The following SSPN variants were observed in gnomAD, a reference collection of about 807,000 sequenced individuals.
SSPN encodes K-ras oncogene-associated protein.
In SSPN, 15 loss-of-function variants were observed where a neutral mutation model predicts 19.1. The observed-to-expected ratio is 0.78, with a 90% CI of 0.52 to 1.21. SSPN has a LOEUF of 1.21. SSPN is among the 50% of genes most tolerant of loss of function. SSPN has a pLI of 0.00. For synonymous variants in SSPN, 147 were observed against 140.3 expected, an observed-to-expected ratio of 1.05 and a Z score of -0.34; for missense variants, 291 against 314.0, an observed-to-expected ratio of 0.93 and a Z score of 0.55.
At chr12:26,203,447 T>TA (rs143829380) in intron 1 of SSPN, among the ~76,000 whole-genome samples, 12,446 of 152,110 alleles carry the variant, frequency 0.082, 982 homozygotes, top group African/African-American at 0.2. Context: ...GAACTTCTTT[T>TA]AAAAAAATAG....
At chr12:26,161,384 T>C (rs1436478367) in intron 1 of SSPN, among the ~76,000 whole-genome samples, 1 of 152,092 alleles carries the variant, frequency 6.6e-6, no homozygotes. Flanking sequence ...CCTGGAGCAG[T>C]CTTCCCAATG....
At chr12:26,186,634 T>C (rs1351634178) in intron 1 of SSPN, among the ~76,000 whole-genome samples, 1 of 152,228 alleles carries the variant, frequency 6.6e-6, no homozygotes, top group African/African-American at 2.4e-5. Flanking sequence ...GGTCTGTTAT[T>C]GTAGAGATGA....
chr12:26,132,882 G>A (rs1944404322), intron 1 of SSPN, among the ~76,000 whole-genome samples: 1 of 152,184 alleles, frequency 6.6e-6, no homozygotes, highest in South Asian at 2.1e-4. Flanking sequence ...TGTAGTGTCT[G>A]TTAGGAAGCT....
upstream of SSPN, among the ~76,000 whole-genome samples, chr12:26,195,099 T>C (rs1944814032): frequency 6.6e-6 from 1 of 152,358 alleles, no homozygotes; most frequent in African/African-American, 2.4e-5. Flanking sequence ...TTTATTCATT[T>C]GTCAGCTGGA....
chr12:26,167,832 A>G (rs1944630501), intron 1 of SSPN, among the ~76,000 whole-genome samples: 1 of 152,208 alleles, frequency 6.6e-6, no homozygotes, highest in Non-Finnish European at 1.5e-5. Context: ...GTTACATTAC[A>G]TTGCAGTCTT....
intron 1 of SSPN, chr12:26,181,080 G>C (rs1237127781): frequency 6.6e-6 from 1 of 152,218 alleles, no homozygotes; most frequent in Admixed American, 6.5e-5. Flanking sequence ...AATGCCCTTA[G>C]ACTGCATGGA....
intron 1 of SSPN, among the ~76,000 whole-genome samples, chr12:26,184,769 C>G (rs1280900973): frequency 6.6e-6 from 1 of 152,104 alleles, no homozygotes; most frequent in Non-Finnish European, 1.5e-5. Flanking sequence ...AAAAACTTCT[C>G]TCATAGAGAG....
chr12:26,172,614 A>G (rs10732541), intron 1 of SSPN, among the ~76,000 whole-genome samples: 152,147 of 152,352 alleles, frequency 1, 75,972 homozygotes, highest in Middle Eastern at 1. Flanking sequence ...TAAATAATGT[A>G]GCCTGCATGT....
At chr12:26,187,382 G>A (rs1944760668) in intron 1 of SSPN, among the ~76,000 whole-genome samples, 1 of 152,206 alleles carries the variant, frequency 6.6e-6, no homozygotes, top group Non-Finnish European at 1.5e-5. Context: ...AGGGAAATGT[G>A]AACATTTTCT....
At chr12:26,139,536 A>G (rs1369777990) in intron 1 of SSPN, among the ~76,000 whole-genome samples, 2 of 152,206 alleles carry the variant, frequency 1.3e-5, no homozygotes, top group East Asian at 1.9e-4. Context: ...GAGTCCAACA[A>G]TTGGCAAAAT....
chr12:26,197,909 G>A (rs371129262), intron 1 of SSPN, among the ~76,000 whole-genome samples: 39 of 152,314 alleles, frequency 2.6e-4, no homozygotes, highest in African/African-American at 8.9e-4. Flanking sequence ...AGACTAGTGA[G>A]GAGGGTCTCT....
chr12:26,147,263 TG>T (rs202155366), intron 1 of SSPN, among the ~76,000 whole-genome samples: 24 of 95,968 alleles, frequency 2.5e-4, no homozygotes, highest in South Asian at 1.5e-3. Context: ...CGATAATTTT[TG>T]GGGTTTTTTT....
At chr12:26,122,509 G>C (rs959336645) in intron 1 of SSPN, 3 of 1,302,856 alleles carry the variant, frequency 2.3e-6, no homozygotes, top group Non-Finnish European at 3.0e-6. Context: ...TGCGGGAAGG[G>C]CGCGCCTCCG....
intron 1 of SSPN, among the ~76,000 whole-genome samples, chr12:26,184,556 G>T (rs1668003638): frequency 6.6e-6 from 1 of 152,178 alleles, no homozygotes; most frequent in Non-Finnish European, 1.5e-5. Flanking sequence ...ATCTGACCTG[G>T]ACTGTGGACT....
intron 1 of SSPN, among the ~76,000 whole-genome samples, chr12:26,176,567 G>C (rs117447948): frequency 6.6e-6 from 1 of 152,182 alleles, no homozygotes; most frequent in South Asian, 2.1e-4. Context: ...TCACTGTACA[G>C]CTCCACTCAC....
intron 1 of SSPN, among the ~76,000 whole-genome samples, chr12:26,183,891 G>T (rs781290909): frequency 6.6e-6 from 1 of 152,164 alleles, no homozygotes; most frequent in African/African-American, 2.4e-5. Context: ...CTGCACTTTC[G>T]ATGGCAACAT....
chr12:26,124,548 T>G, intron 1 of SSPN: 2 of 1,614,126 alleles, frequency 1.2e-6, no homozygotes, highest in Non-Finnish European at 1.7e-6. Flanking sequence ...ATGCTCCTTT[T>G]GGGTTTACAC....
chr12:26,146,078 G>C (rs1944488495), intron 1 of SSPN, among the ~76,000 whole-genome samples: 1 of 152,192 alleles, frequency 6.6e-6, no homozygotes, highest in Non-Finnish European at 1.5e-5. Context: ...CAGTGGTGCT[G>C]TACCGTAAAT....
At chr12:26,200,143 C>G (rs1944865004) in intron 1 of SSPN, among the ~76,000 whole-genome samples, 1 of 152,112 alleles carries the variant, frequency 6.6e-6, no homozygotes, top group Non-Finnish European at 1.5e-5. Context: ...TTTAGCTTCC[C>G]CCACTCTCCC....
Sources: allele counts gnomAD v4.1 joint callset (sites outside exome capture counted in the v4.1 genomes callset), GRCh38; gene constraint gnomAD v4.1.1; transcripts MANE v1.5; gene names NCBI Gene and HGNC (gene_info 2026-07-23, HGNC 2026-07-21).